The following PTPRD variants were observed in gnomAD, a reference collection of about 807,000 sequenced individuals.
PTPRD encodes the protein receptor-type tyrosine-protein phosphatase delta.
A neutral mutation model predicts 214.5 loss-of-function variants in PTPRD; 34 were observed. The ratio of observed to expected loss-of-function variants is 0.16; its 90% confidence interval spans 0.12 to 0.21. The LOEUF is 0.21. Ranked by LOEUF, PTPRD falls within the 10% of genes least tolerant of loss-of-function variation. The pLI is 1.00. For synonymous variants in PTPRD, 1,128 were observed against 845.7 expected, an observed-to-expected ratio of 1.33 and a Z score of -5.79; for missense variants, 2,545 against 2,398.7, an observed-to-expected ratio of 1.06 and a Z score of -1.27.
intron 2 of PTPRD, among the ~76,000 whole-genome samples, chr9:10,436,988 C>A (rs1312904896): frequency 6.6e-6 from 1 of 151,770 alleles, no homozygotes; most frequent in East Asian, 1.9e-4. Context: ...CTGAGCTTAA[C>A]TGGGTAGTCA....
chr9:9,106,652 TCCTA>T (rs1394628162), intron 10 of PTPRD, among the ~76,000 whole-genome samples: 2 of 142,200 alleles, frequency 1.4e-5, no homozygotes, highest in Non-Finnish European at 3.1e-5. Flanking sequence ...ATCTGCAGGC[TCCTA>T]CCTAAGTTTA....
At chr9:10,191,952 C>T (rs1441032138) in intron 3 of PTPRD, among the ~76,000 whole-genome samples, 3 of 152,108 alleles carry the variant, frequency 2.0e-5, no homozygotes, top group Non-Finnish European at 1.5e-5. Context: ...GTCTGCAAAG[C>T]TGATGATGGT....
intron 11 of PTPRD, among the ~76,000 whole-genome samples, chr9:8,970,323 G>A (rs773996083): frequency 1.3e-5 from 2 of 151,786 alleles, no homozygotes; most frequent in East Asian, 1.9e-4. Context: ...GCTGAAAATA[G>A]CATCTTTTCA....
At chr9:8,820,761 T>C (rs527821517) in intron 11 of PTPRD, among the ~76,000 whole-genome samples, 1 of 152,266 alleles carries the variant, frequency 6.6e-6, no homozygotes, top group South Asian at 2.1e-4. Context: ...TGTATGTATA[T>C]ATGTCTCTGG....
chr9:9,041,367 C>G (rs1219526698), intron 10 of PTPRD, among the ~76,000 whole-genome samples: 2 of 152,096 alleles, frequency 1.3e-5, no homozygotes, highest in Admixed American at 1.3e-4. Flanking sequence ...CCTCTTTCCA[C>G]CCTCCACGCT....
chr9:9,933,490 C>T (rs1314315704), intron 5 of PTPRD, among the ~76,000 whole-genome samples: 10 of 151,842 alleles, frequency 6.6e-5, no homozygotes, highest in African/African-American at 9.8e-5. Context: ...AAGGCCATTA[C>T]ATAGTGGTAA....
At chr9:8,646,873 A>ATAC (rs1324830059) in intron 12 of PTPRD, among the ~76,000 whole-genome samples, 4 of 152,190 alleles carry the variant, frequency 2.6e-5, no homozygotes, top group Non-Finnish European at 5.9e-5. Context: ...GCTGTCCCAG[A>ATAC]TACTATCCCC....
chr9:9,438,091 T>C (rs942311546), intron 8 of PTPRD, among the ~76,000 whole-genome samples: 102 of 152,292 alleles, frequency 6.7e-4, no homozygotes, highest in African/African-American at 1.9e-3. Context: ...TGTATCCTAA[T>C]GTCCTCTTCT....
chr9:10,182,275 A>G lies in PTPRD; in HGVS notation c.-544-148485T>C, dbSNP rs530772910. On this transcript the variant is annotated intron_variant, in intron 3 of 45. Coordinates refer to ENST00000381196, the MANE Select transcript of PTPRD (RefSeq NM_002839.4). ...ACTCTGCCTCAAAAAAAAAAAAAAAAAAAAGAAAAGAAAAAAGAAAGGAAT... is the reference window on the plus strand; with the variant it reads ...ACTCTGCCTCAAAAAAAAAAAAAAAGAAAAGAAAAGAAAAAAGAAAGGAAT... Among the ~76,000 whole-genome samples, 54 of 150,492 alleles carry G rather than the reference A, an allele frequency of 3.6e-4. No homozygotes were observed. The South Asian group carries it at 4.2e-3, about 12-fold the overall frequency.
intron 8 of PTPRD, among the ~76,000 whole-genome samples, chr9:9,500,106 T>C (rs368303602): frequency 1.3e-5 from 2 of 152,226 alleles, no homozygotes; most frequent in South Asian, 2.1e-4. Context: ...TTTCCTCCAT[T>C]TCTCAGTTGC....
intron 11 of PTPRD, among the ~76,000 whole-genome samples, chr9:8,997,340 T>C (rs1223039645): frequency 6.6e-6 from 1 of 152,110 alleles, no homozygotes; most frequent in Non-Finnish European, 1.5e-5. Context: ...CTCAAAAGTA[T>C]GTGTTCACTT....
chr9:8,984,592 T>G (rs2099329845), intron 11 of PTPRD, among the ~76,000 whole-genome samples: 1 of 152,074 alleles, frequency 6.6e-6, no homozygotes, highest in African/African-American at 2.4e-5. Context: ...TAAAATCCAT[T>G]TTTCTTCTGA....
intron 9 of PTPRD, among the ~76,000 whole-genome samples, chr9:9,388,506 A>G (rs2140757143): frequency 6.6e-6 from 1 of 152,306 alleles, no homozygotes; most frequent in East Asian, 1.9e-4. Context: ...AGGACTGTCC[A>G]AGTAAACTAA....
At chr9:8,382,841 G>C (rs769611736) in intron 37 of PTPRD, among the ~76,000 whole-genome samples, 2 of 152,214 alleles carry the variant, frequency 1.3e-5, no homozygotes, top group Non-Finnish European at 2.9e-5. Flanking sequence ...TGTTGCCCTA[G>C]ATAGGCAGCA....
At chr9:8,941,576 T>A (rs1053955389) in intron 11 of PTPRD, among the ~76,000 whole-genome samples, 3 of 151,990 alleles carry the variant, frequency 2.0e-5, no homozygotes, top group African/African-American at 7.3e-5. Flanking sequence ...TTCCTTGGAG[T>A]ATTGTTGGGT....
At chr9:8,688,748 C>T (rs529942695) in intron 12 of PTPRD, among the ~76,000 whole-genome samples, 1 of 152,194 alleles carries the variant, frequency 6.6e-6, no homozygotes, top group South Asian at 2.1e-4. Context: ...GAACACCAAG[C>T]TATCCATCCA....
intron 8 of PTPRD, among the ~76,000 whole-genome samples, chr9:9,408,936 A>G (rs1422959718): frequency 6.6e-6 from 1 of 151,902 alleles, no homozygotes; most frequent in Non-Finnish European, 1.5e-5. Context: ...GACTTTTTAT[A>G]TCATGCAATG....
chr9:10,422,021 C>G (rs2098550262), intron 2 of PTPRD, among the ~76,000 whole-genome samples: 2 of 151,620 alleles, frequency 1.3e-5, no homozygotes, highest in Admixed American at 1.3e-4. Context: ...GCTTCAGACA[C>G]TGCAATTGAA....
At chr9:9,800,978 T>C (rs1368781253) in intron 5 of PTPRD, among the ~76,000 whole-genome samples, 1 of 152,170 alleles carries the variant, frequency 6.6e-6, no homozygotes, top group Non-Finnish European at 1.5e-5. Flanking sequence ...CTCCTTGTTC[T>C]ATACTAAGAG....
Sources: allele counts gnomAD v4.1 joint callset (sites outside exome capture counted in the v4.1 genomes callset), GRCh38; gene constraint gnomAD v4.1.1; transcripts MANE v1.5; gene names NCBI Gene and HGNC (gene_info 2026-07-23, HGNC 2026-07-21).